The following RNF216 variants were observed in gnomAD, a reference collection of about 807,000 sequenced individuals.
RNF216 encodes E3 ubiquitin-protein ligase RNF216.
In RNF216, 72 loss-of-function variants were observed where a neutral mutation model predicts 110.8. The ratio of observed to expected loss-of-function variants is 0.65; its 90% CI spans 0.54 to 0.79. The LOEUF (loss-of-function observed/expected upper bound fraction) is 0.79, where lower values mean the gene tolerates loss of function less well. Among genes scored for constraint, RNF216 ranks in the 30% least tolerant of loss-of-function variants. The pLI, the probability that RNF216 is intolerant of heterozygous loss-of-function variation, is 0.00. For missense variants in RNF216, 1,342 were observed against 1,141.2 expected (o/e 1.18, Z -2.54); for synonymous variants, 495 against 407.5 (o/e 1.21, Z -2.59).
intron 1 of RNF216, among the ~76,000 whole-genome samples, chr7:5,769,812 G>A (rs529529512): frequency 1.8e-4 from 27 of 147,626 alleles, no homozygotes; most frequent in East Asian, 1.4e-3. Context: ...CAAGATAGAC[G>A]GATCACTTGA....
intron 13 of RNF216, among the ~76,000 whole-genome samples, chr7:5,664,927 G>C (rs955437943): frequency 2.0e-5 from 3 of 152,172 alleles, no homozygotes; most frequent in African/African-American, 7.2e-5. Flanking sequence ...CTCCCAAGTA[G>C]CTGGGATTAC....
chr7:5,723,958 C>G (rs1793601128), intron 8 of RNF216, among the ~76,000 whole-genome samples: 1 of 152,144 alleles, frequency 6.6e-6, no homozygotes, highest in Admixed American at 6.5e-5. Flanking sequence ...CTTCCAGGGT[C>G]CTTCAAGATT....
intron 13 of RNF216, among the ~76,000 whole-genome samples, chr7:5,704,468 G>A (rs866683991): frequency 5.3e-5 from 8 of 152,192 alleles, no homozygotes; most frequent in African/African-American, 1.9e-4. Flanking sequence ...AACTGAGAAA[G>A]GTAAAAGCGT....
At chr7:5,671,798 T>A (rs1366729194) in intron 13 of RNF216, among the ~76,000 whole-genome samples, 2 of 57,486 alleles carry the variant, frequency 3.5e-5, no homozygotes, top group Non-Finnish European at 3.1e-5. Flanking sequence ...AGACCAAAAC[T>A]CCGTCTCAAA....
intron 11 of RNF216, chr7:5,713,398 A>C (rs1792840863): frequency 6.5e-6 from 1 of 152,882 alleles, no homozygotes; most frequent in African/African-American, 2.4e-5. Flanking sequence ...CCACTCATAG[A>C]GGAGAGCAGA....
chr7:5,642,056 AAG>A, intron 14 of RNF216, among the ~76,000 whole-genome samples: 5 of 151,006 alleles, frequency 3.3e-5, no homozygotes, highest in African/African-American at 9.7e-5. Flanking sequence ...GAAAAAAAAA[AAG>A]AAAGAAAGAA....
At chr7:5,691,537 G>A (rs1791340232) in intron 13 of RNF216, among the ~76,000 whole-genome samples, 1 of 152,140 alleles carries the variant, frequency 6.6e-6, no homozygotes, top group Admixed American at 6.5e-5. Flanking sequence ...AAGGGGAGAG[G>A]GGGAATGTGT....
At chr7:5,770,347 G>C (rs1026785045) in intron 1 of RNF216, among the ~76,000 whole-genome samples, 3 of 151,838 alleles carry the variant, frequency 2.0e-5, no homozygotes, top group Admixed American at 2.0e-4. Flanking sequence ...TGTAATCCCA[G>C]CTACTCAGGA....
chr7:5,626,981 G>A (rs959034469), intron 15 of RNF216, among the ~76,000 whole-genome samples: 10 of 152,144 alleles, frequency 6.6e-5, no homozygotes, highest in East Asian at 1.9e-4. Context: ...ACTCTGGTCC[G>A]TTACTAATCA....
At chr7:5,720,065 A>G (rs1793319845) in intron 9 of RNF216, among the ~76,000 whole-genome samples, 1 of 152,228 alleles carries the variant, frequency 6.6e-6, no homozygotes, top group South Asian at 2.1e-4. Flanking sequence ...GGTGAAGAAA[A>G]CAATGATTGT....
intron 14 of RNF216, chr7:5,650,065 G>A (rs1788293153): frequency 6.6e-6 from 1 of 152,202 alleles, no homozygotes; most frequent in Non-Finnish European, 1.5e-5. Context: ...GAAGGTTAGA[G>A]AGAGAAATCC....
At chr7:5,658,611 C>G (rs1584393840) in intron 13 of RNF216, among the ~76,000 whole-genome samples, 1 of 134,138 alleles carries the variant, frequency 7.5e-6, no homozygotes, top group African/African-American at 2.9e-5. Flanking sequence ...GAGCTATGAT[C>G]AAGCTACTGC....
intron 1 of RNF216, among the ~76,000 whole-genome samples, chr7:5,766,083 A>C (rs565329636): frequency 7.2e-5 from 11 of 152,078 alleles, no homozygotes; most frequent in Non-Finnish European, 1.3e-4. Context: ...TAGGGGTTCA[A>C]GACCAGCCTG....
intron 1 of RNF216, among the ~76,000 whole-genome samples, chr7:5,775,441 A>C (rs1288999816): frequency 6.6e-6 from 1 of 152,068 alleles, no homozygotes; most frequent in Non-Finnish European, 1.5e-5. Context: ...CTACTGTATG[A>C]TCCTAGGGCT....
intron 15 of RNF216, among the ~76,000 whole-genome samples, chr7:5,629,600 G>T (rs867123286): frequency 2.0e-5 from 3 of 151,920 alleles, no homozygotes; most frequent in Non-Finnish European, 2.9e-5. Context: ...AGGCCGAGGC[G>T]GGCGGATCAC....
intron 14 of RNF216, among the ~76,000 whole-genome samples, chr7:5,645,837 A>T (rs1788018313): frequency 6.6e-6 from 1 of 152,032 alleles, no homozygotes; most frequent in Non-Finnish European, 1.5e-5. Context: ...TGATCCGCCC[A>T]CGTCAGCCTC....
chr7:5,686,128 C>G (rs566164620), intron 13 of RNF216, among the ~76,000 whole-genome samples: 3 of 150,208 alleles, frequency 2.0e-5, no homozygotes, highest in Admixed American at 6.7e-5. Flanking sequence ...GAGGCTGAGG[C>G]AGGAGAATCG....
At position 5,628,758 on chromosome 7, in the gene RNF216, C is replaced by T. The variant is rs115133829; in HGVS notation, c.2383-4633G>A. On this transcript the variant is annotated intron_variant, in intron 15 of 16. Coordinates refer to ENST00000389902, the MANE Select transcript of RNF216 (RefSeq NM_207111.4). The stretch of plus-strand genomic sequence containing the variant: ...CTAGTCTTGAACTCCTGGGCTCAAG[C>T]GATGCACCCAACCTTGGTCTCCCCA... Among the ~76,000 whole-genome samples the T allele has an allele frequency of 1.8e-3, 266 of 151,542 alleles. 4 individuals are homozygous for T. The highest frequency in any genetic ancestry group is 5.9e-3 in the African/African-American group (243 of 41,276).
intron 16 of RNF216, among the ~76,000 whole-genome samples, chr7:5,623,608 T>TA (rs1252983626): frequency 1.3e-5 from 2 of 152,046 alleles, no homozygotes; most frequent in Admixed American, 6.6e-5. Flanking sequence ...CTCTTTTTTT[T>TA]AAAGAAAAAC....
Sources: gnomAD v4.1 joint callset for allele counts (sites outside exome capture counted in the v4.1 genomes callset) on GRCh38, gnomAD v4.1.1 for gene constraint, MANE v1.5 for transcripts, NCBI Gene and HGNC (gene_info 2026-07-23, HGNC 2026-07-21) for gene names.